The following TMEM132B variants were observed in gnomAD, a reference collection of about 807,000 sequenced individuals.
The protein encoded by TMEM132B is transmembrane protein 132B.
A neutral mutation model predicts 90.8 loss-of-function variants in TMEM132B; 18 were observed. The ratio of observed to expected loss-of-function variants is 0.20; its 90% CI spans 0.14 to 0.29. The LOEUF (loss-of-function observed/expected upper bound fraction) is 0.29, where lower values mean the gene tolerates loss of function less well. TMEM132B is among the 10% of genes least tolerant of loss of function. The pLI, the probability that TMEM132B is intolerant of heterozygous loss-of-function variation, is 1.00. For synonymous variants in TMEM132B, 504 were observed against 523.3 expected (o/e 0.96, Z 0.50); for missense variants, 1,096 against 1,326.8 (o/e 0.83, Z 2.70).
chr12:125,560,097 GGCTGT>G (rs1884483664), intron 4 of TMEM132B, among the ~76,000 whole-genome samples: 1 of 152,202 alleles, frequency 6.6e-6, no homozygotes, highest in East Asian at 1.9e-4. Flanking sequence ...GGGTCAGGGA[GGCTGT>G]GCTTTCCCAG....
At chr12:125,347,172 C>T (rs1041197363) in intron 1 of TMEM132B, among the ~76,000 whole-genome samples, 5 of 152,158 alleles carry the variant, frequency 3.3e-5, no homozygotes, top group Non-Finnish European at 5.9e-5. Flanking sequence ...CCAGAGCTTC[C>T]GATTGGCTGA....
chr12:125,358,141 C>T (rs1877843966), intron 2 of TMEM132B, among the ~76,000 whole-genome samples: 1 of 151,916 alleles, frequency 6.6e-6, no homozygotes, highest in East Asian at 1.9e-4. Flanking sequence ...AATTCACACT[C>T]TCTATGGGGG....
At chr12:125,220,043 T>C (rs1007478659) in intron 1 of TMEM132B, among the ~76,000 whole-genome samples, 1 of 152,248 alleles carries the variant, frequency 6.6e-6, no homozygotes, top group African/African-American at 2.4e-5. Flanking sequence ...ATTCAACCTT[T>C]TCTGTCCCAT....
chr12:125,275,360 T>C (rs1191557517), intron 1 of TMEM132B, among the ~76,000 whole-genome samples: 2 of 152,208 alleles, frequency 1.3e-5, no homozygotes, highest in Non-Finnish European at 2.9e-5. Flanking sequence ...TTGCCCTAGC[T>C]CATTCTTTCA....
At position 125,657,105 on chromosome 12, in the gene TMEM132B, T is replaced by C. The variant is rs1887084594; in HGVS notation, c.*2395T>C. The C allele has an allele frequency of 6.6e-6, 1 of 152,200 alleles. No individual in the cohort carries two copies. The highest frequency in any genetic ancestry group is 2.4e-5 in the African/African-American group (1 of 41,438). The allele number at this position is 152,200 out of a possible 1,614,324, so 9.4% of individuals were successfully genotyped here. A position where few individuals can be genotyped will look rare whatever the true frequency, so the allele number is the denominator to read the frequency against. On this transcript the variant is annotated 3_prime_UTR_variant, in exon 9 of 9. Transcript: ENST00000682704. ...GAACAAACTGGGGAGCGTTCAAACA[T>C]GCCAGTGGTTTCTCAGCAGGGCTGG...
At chr12:125,632,562 C>T (rs1886391422) in intron 5 of TMEM132B, among the ~76,000 whole-genome samples, 1 of 152,088 alleles carries the variant, frequency 6.6e-6, no homozygotes, top group African/African-American at 2.4e-5. Flanking sequence ...TTTAGCATTT[C>T]TTACAGGACA....
intron 3 of TMEM132B, among the ~76,000 whole-genome samples, chr12:125,491,756 G>A (rs752303698): frequency 6.6e-6 from 1 of 152,192 alleles, no homozygotes; most frequent in Non-Finnish European, 1.5e-5. Context: ...TGGATCGATA[G>A]GCGTTTGTTT....
chr12:125,394,053 C>G (rs917913020), intron 2 of TMEM132B, among the ~76,000 whole-genome samples: 5 of 152,138 alleles, frequency 3.3e-5, no homozygotes, highest in Non-Finnish European at 5.9e-5. Context: ...CAGAGAACAA[C>G]CCATATAGCC....
chr12:125,192,391 C>T (rs1033701677), intron 1 of TMEM132B, among the ~76,000 whole-genome samples: 6 of 152,172 alleles, frequency 3.9e-5, no homozygotes, highest in African/African-American at 9.7e-5. Context: ...GGCTGATTTG[C>T]ACCCAAGGGA....
At chr12:125,528,726 A>C (rs930273088) in intron 4 of TMEM132B, among the ~76,000 whole-genome samples, 1 of 152,344 alleles carries the variant, frequency 6.6e-6, no homozygotes, top group East Asian at 1.9e-4. Context: ...CTGAAAACTT[A>C]ACTACTAATA....
At chr12:125,268,843 G>T (rs144718305) in intron 1 of TMEM132B, among the ~76,000 whole-genome samples, 2 of 152,182 alleles carry the variant, frequency 1.3e-5, no homozygotes, top group Non-Finnish European at 2.9e-5. Context: ...CTGAGAGGGC[G>T]TGGGTTTCCC....
At chr12:125,488,727 C>G (rs766154177) in intron 3 of TMEM132B, among the ~76,000 whole-genome samples, 1 of 152,196 alleles carries the variant, frequency 6.6e-6, no homozygotes, top group Non-Finnish European at 1.5e-5. Flanking sequence ...CAGACTAATA[C>G]AGCATCTAAT....
chr12:125,486,529 C>G (rs1025985392), intron 3 of TMEM132B, among the ~76,000 whole-genome samples: 2 of 152,104 alleles, frequency 1.3e-5, no homozygotes, highest in Non-Finnish European at 2.9e-5. Context: ...TTGTCTGTGT[C>G]TAAGGAACAG....
intron 3 of TMEM132B, among the ~76,000 whole-genome samples, chr12:125,506,067 G>A (rs1466177860): frequency 6.6e-6 from 1 of 152,178 alleles, no homozygotes; most frequent in Admixed American, 6.5e-5. Flanking sequence ...ATATATGAAT[G>A]TTTACAACAG....
At chr12:125,285,090 C>T (rs573647704) in intron 1 of TMEM132B, among the ~76,000 whole-genome samples, 1 of 152,336 alleles carries the variant, frequency 6.6e-6, no homozygotes, top group Admixed American at 6.5e-5. Flanking sequence ...CCTCCTTCCT[C>T]CCCATAGTAA....
rs1029105804 is a variant in TMEM132B at position 125,490,857 on chromosome 12, G to A, written c.1107-28582G>A. ...AGCAATGTGCCACTTAAAAGACTAG[G>A]TCTCAAAAAGCATTGCACTTTCTTC... On this transcript the variant is annotated intron_variant, in intron 3 of 8. Coordinates refer to ENST00000682704, the MANE Select transcript of TMEM132B (RefSeq NM_001366854.1). This position sits in a 1 kb window ranked among gnomAD's most constrained non-coding sequence, Gnocchi z 4.2. Among the ~76,000 whole-genome samples, 1 of 152,164 alleles carries A rather than the reference G, an allele frequency of 6.6e-6. No individual in the cohort carries two copies. Among genetic ancestry groups the A allele is most frequent in the African/African-American group, 2.4e-5 (1 of 41,430 alleles).
intron 1 of TMEM132B, among the ~76,000 whole-genome samples, chr12:125,208,383 A>C (rs1044542523): frequency 2.4e-4 from 36 of 152,220 alleles, no homozygotes; most frequent in Non-Finnish European, 7.4e-5. Context: ...CATCACCTTT[A>C]GCTAGTTACA....
chr12:125,189,020 T>C (rs1957779477), intron 1 of TMEM132B, among the ~76,000 whole-genome samples: 1 of 152,132 alleles, frequency 6.6e-6, no homozygotes, highest in Admixed American at 6.5e-5. Context: ...GCTGAGGCTC[T>C]GGAAGAGGGG....
intron 4 of TMEM132B, among the ~76,000 whole-genome samples, chr12:125,527,442 AC>A (rs1883514833): frequency 7.6e-6 from 1 of 130,978 alleles, no homozygotes; most frequent in African/African-American, 3.0e-5. Context: ...CCACCTATTT[AC>A]CCTTCCATCC....
Sources: gnomAD v4.1 joint callset for allele counts (sites outside exome capture counted in the v4.1 genomes callset) on GRCh38, gnomAD v4.1.1 for gene constraint, Gnocchi (gnomAD v3.1) non-coding constraint, MANE v1.5 for transcripts, NCBI Gene and HGNC (gene_info 2026-07-23, HGNC 2026-07-21) for gene names.